The following MYO5A variants were observed in gnomAD, a reference collection of about 807,000 sequenced individuals.
MYO5A encodes unconventional myosin-Va.
A neutral mutation model predicts 249.7 loss-of-function variants in MYO5A; 98 were observed. The observed-to-expected ratio is 0.39, with a 90% confidence interval of 0.33 to 0.46. The LOEUF (loss-of-function observed/expected upper bound fraction) is 0.46, where lower values mean the gene tolerates loss of function less well. MYO5A is among the 20% of genes least tolerant of loss of function. The pLI is 0.98. For synonymous variants in MYO5A, 778 were observed against 810.6 expected (o/e 0.96, Z 0.68); for missense variants, 1,696 against 2,308.8 (o/e 0.73, Z 5.44).
At chr15:52,446,356 T>C (rs887772787) in intron 1 of MYO5A, among the ~76,000 whole-genome samples, 2 of 152,246 alleles carry the variant, frequency 1.3e-5, no homozygotes, top group African/African-American at 4.8e-5. Context: ...GCAGATTCCA[T>C]GTGGTGTTAA....
At chr15:52,497,316 G>GC in intron 1 of MYO5A, among the ~76,000 whole-genome samples, 1 of 152,036 alleles carries the variant, frequency 6.6e-6, no homozygotes, top group Admixed American at 6.6e-5. Flanking sequence ...AGTCAGGATG[G>GC]CAAGTCTCAA....
At chr15:52,335,337 G>A (rs1039335643) in intron 34 of MYO5A, among the ~76,000 whole-genome samples, 3 of 151,950 alleles carry the variant, frequency 2.0e-5, no homozygotes, top group African/African-American at 2.4e-5. Context: ...CCAACATGGT[G>A]AAACCCCGTC....
chr15:52,490,221 G>T (rs1253827151), intron 1 of MYO5A, among the ~76,000 whole-genome samples: 1 of 152,042 alleles, frequency 6.6e-6, no homozygotes, highest in East Asian at 1.9e-4. Flanking sequence ...TATAACCGAG[G>T]AATCCCACTT....
intron 21 of MYO5A, among the ~76,000 whole-genome samples, chr15:52,371,582 T>C (rs1306682908): frequency 6.6e-6 from 1 of 152,098 alleles, no homozygotes; most frequent in Non-Finnish European, 1.5e-5. Flanking sequence ...CATTAGTAGA[T>C]CTCTGTTCTC....
chr15:52,523,883 C>T (rs1331263018), intron 1 of MYO5A, among the ~76,000 whole-genome samples: 1 of 149,422 alleles, frequency 6.7e-6, no homozygotes, highest in African/African-American at 2.5e-5. Context: ...ATTTCTGTTC[C>T]TCTTTAAGAT....
At chr15:52,385,520 G>A (rs908290404) in intron 14 of MYO5A, among the ~76,000 whole-genome samples, 1 of 151,674 alleles carries the variant, frequency 6.6e-6, no homozygotes, top group African/African-American at 2.4e-5. Flanking sequence ...TCTTTATGGT[G>A]GAAAAATATC....
intron 25 of MYO5A, among the ~76,000 whole-genome samples, chr15:52,355,307 A>G (rs1357165320): frequency 1.3e-5 from 2 of 152,242 alleles, no homozygotes; most frequent in African/African-American, 2.4e-5. Flanking sequence ...CTGTGGATCA[A>G]AAATATTCCC....
At chr15:52,469,965 T>C (rs539301007) in intron 1 of MYO5A, among the ~76,000 whole-genome samples, 2 of 152,350 alleles carry the variant, frequency 1.3e-5, no homozygotes, top group South Asian at 4.1e-4. Flanking sequence ...GCCACATCCA[T>C]AATCTCTTTC....
In MYO5A at chr15:52,337,993, T is replaced by A. The variant is rs1251234514; in HGVS notation, c.4240-109A>T. The A allele has an allele frequency of 9.9e-6, 7 of 710,444 alleles. 1 individual carries two copies. The highest frequency in any genetic ancestry group is 1.2e-5 in the Non-Finnish European group (5 of 431,726). 44.0% of individuals were successfully genotyped at this position (710,444 alleles called of 1,614,324 possible). On this transcript the variant is annotated intron_variant, in intron 32 of 41. Coordinates refer to ENST00000399233, the MANE Select transcript of MYO5A (RefSeq NM_001382347.1). The stretch of plus-strand genomic sequence containing the variant: ...TATTTTAAAATACAAATAGTGAAAC[T>A]ATATATACTTGAAAGGCTCTGATTT...
chr15:52,409,764 G>C (rs568840365), intron 6 of MYO5A, among the ~76,000 whole-genome samples: 2 of 152,268 alleles, frequency 1.3e-5, no homozygotes, highest in Admixed American at 1.3e-4. Context: ...GAAATATATA[G>C]TATCTCCCAT....
At chr15:52,463,632 C>T (rs753245937) in intron 1 of MYO5A, among the ~76,000 whole-genome samples, 25 of 152,174 alleles carry the variant, frequency 1.6e-4, no homozygotes, top group Admixed American at 4.6e-4. Flanking sequence ...CTAAAAGCTA[C>T]TGGAAACATT....
chr15:52,504,189 C>A (rs1316974285), intron 1 of MYO5A, among the ~76,000 whole-genome samples: 2 of 151,392 alleles, frequency 1.3e-5, no homozygotes, highest in Non-Finnish European at 2.9e-5. Context: ...TATGTTTCTA[C>A]ACACTCATCC....
chr15:52,318,939 T>A, intron 39 of MYO5A, 121 bp downstream of exon 39: 1 of 1,294,644 alleles, frequency 7.7e-7, no homozygotes, highest in Non-Finnish European at 1.1e-6. Context: ...CCCTTGCTGC[T>A]TGGCCACATG....
At chr15:52,413,159 A>AAG (rs1180086272) in intron 5 of MYO5A, among the ~76,000 whole-genome samples, 4 of 151,252 alleles carry the variant, frequency 2.6e-5, no homozygotes, top group African/African-American at 9.7e-5. Flanking sequence ...AAAAAAAAAA[A>AAG]AAAAAAAAAA....
At chr15:52,335,095 T>C (rs1004202932) in intron 34 of MYO5A, among the ~76,000 whole-genome samples, 1 of 152,216 alleles carries the variant, frequency 6.6e-6, no homozygotes, top group African/African-American at 2.4e-5. Flanking sequence ...ATCTTCACTG[T>C]TTGAACCAAG....
intron 1 of MYO5A, among the ~76,000 whole-genome samples, chr15:52,442,051 G>A (rs2075795225): frequency 6.6e-6 from 1 of 152,104 alleles, no homozygotes; most frequent in Non-Finnish European, 1.5e-5. Context: ...GTGACAGAAG[G>A]AAAAAGAGCT....
At chr15:52,345,380 GGGACGACCCT>G (rs2039569986) in intron 30 of MYO5A, among the ~76,000 whole-genome samples, 1 of 151,922 alleles carries the variant, frequency 6.6e-6, no homozygotes. Context: ...CCTGGAGCTC[GGGACGACCCT>G]GGCCAACATG....
intron 1 of MYO5A, among the ~76,000 whole-genome samples, chr15:52,520,214 C>T (rs1310633997): frequency 2.0e-5 from 3 of 152,146 alleles, no homozygotes; most frequent in Admixed American, 1.3e-4. Context: ...ATTTTGACTA[C>T]CTAGCACTTT....
At chr15:52,388,743 C>T (rs2042078725) in intron 13 of MYO5A, among the ~76,000 whole-genome samples, 1 of 152,142 alleles carries the variant, frequency 6.6e-6, no homozygotes, top group Non-Finnish European at 1.5e-5. Context: ...CACAAGTCCA[C>T]AATTGCTATT....
Sources: allele counts gnomAD v4.1 joint callset (sites outside exome capture counted in the v4.1 genomes callset), GRCh38; gene constraint gnomAD v4.1.1; transcripts MANE v1.5; gene names NCBI Gene and HGNC (gene_info 2026-07-23, HGNC 2026-07-21).